EPS15L1: variants seen among roughly 807,000 people sequenced by gnomAD.
The protein encoded by EPS15L1 is epidermal growth factor receptor substrate 15-like 1.
Under a neutral mutation model 117.1 loss-of-function variants are expected in EPS15L1, and 43 were observed. The observed-to-expected ratio is 0.37, with a 90% CI of 0.29 to 0.47. The LOEUF (loss-of-function observed/expected upper bound fraction) is 0.47, where lower values mean the gene tolerates loss of function less well. EPS15L1 is among the 20% of genes least tolerant of loss of function. The pLI is 0.99. For synonymous variants in EPS15L1, 459 were observed against 470.5 expected (o/e 0.98, Z 0.32); for missense variants, 981 against 1,164.0 (o/e 0.84, Z 2.29).
At chr19:16,429,548 C>CG (rs909594310) in intron 7 of EPS15L1, among the ~76,000 whole-genome samples, 1 of 152,196 alleles carries the variant, frequency 6.6e-6, no homozygotes, top group Admixed American at 6.5e-5. Flanking sequence ...TCTGCTGCTG[C>CG]GCCCGAGGCT....
chr19:16,466,021 CTCTGT>C (rs1240094345), intron 1 of EPS15L1, among the ~76,000 whole-genome samples: 5 of 142,640 alleles, frequency 3.5e-5, no homozygotes, highest in African/African-American at 1.3e-4. Flanking sequence ...CAGAGTCTTG[CTCTGT>C]CACCCAGGCT....
intron 19 of EPS15L1, among the ~76,000 whole-genome samples, chr19:16,388,696 G>A (rs1038519172): frequency 2.6e-5 from 4 of 151,992 alleles, no homozygotes; most frequent in Non-Finnish European, 4.4e-5. Flanking sequence ...GCATAGTGGC[G>A]GGCGCCTGTA....
chr19:16,466,973 G>A (rs2093310752), intron 1 of EPS15L1, among the ~76,000 whole-genome samples: 1 of 151,686 alleles, frequency 6.6e-6, no homozygotes, highest in African/African-American at 2.4e-5. Flanking sequence ...ACTCTACTGT[G>A]ACAAAGCAGG....
chr19:16,437,847 T>C lies in EPS15L1; in HGVS notation c.232A>G (p.Arg78Gly). 4 of 1,613,956 alleles carry C rather than the reference T, an allele frequency of 2.5e-6. No individual in the cohort carries two copies. The highest frequency in any genetic ancestry group is 3.4e-6 in the Non-Finnish European group (4 of 1,179,898). ...CCACTCTGTGCACAGGCCACCAGTC[T>C]CAGTGCAACATAGAAACCCTGCAAG... ...LDKQGFYVALRLVACAQSGHE... is the reference protein window; with the variant it reads ...LDKQGFYVALGLVACAQSGHE... Residue 78 changes from arginine (R) to glycine (G), a missense_variant, in exon 5 of 24, where the codon AGA (arginine) becomes GGA (glycine). Physicochemically the swap from Arg to Gly is moderately radical, Grantham distance 125. Around this residue, in one of 5 missense-constraint regions of EPS15L1, gnomAD observed 62 missense variants for 104.2 expected, o/e 0.59. Coordinates refer to ENST00000455140, the MANE Select transcript of EPS15L1 (RefSeq NM_001258374.3).
At chr19:16,376,241 C>A (rs757432058) in intron 22 of EPS15L1, among the ~76,000 whole-genome samples, 4 of 152,150 alleles carry the variant, frequency 2.6e-5, no homozygotes, top group Non-Finnish European at 4.4e-5. Context: ...GAATAGGAGG[C>A]GTCCCAGACC....
intron 19 of EPS15L1, among the ~76,000 whole-genome samples, chr19:16,387,010 C>A (rs1018096522): frequency 1.3e-5 from 2 of 152,226 alleles, no homozygotes; most frequent in Non-Finnish European, 2.9e-5. Context: ...CCGGAAAAGA[C>A]AATCAGTGTA....
chr19:16,359,086 G>A (rs1599514080), intron 23 of EPS15L1, among the ~76,000 whole-genome samples: 2 of 152,322 alleles, frequency 1.3e-5, no homozygotes, highest in South Asian at 4.1e-4. Flanking sequence ...CACAAGTGAG[G>A]TGCGGGTGAC....
At chr19:16,423,125 G>C (rs2092834376) in intron 9 of EPS15L1, among the ~76,000 whole-genome samples, 1 of 152,148 alleles carries the variant, frequency 6.6e-6, no homozygotes, top group Non-Finnish European at 1.5e-5. Context: ...AAATCTAACA[G>C]GCTCCTGATA....
chr19:16,425,812 C>CAAAAG (rs1452347232), intron 8 of EPS15L1, among the ~76,000 whole-genome samples: 6 of 152,048 alleles, frequency 3.9e-5, no homozygotes, highest in Admixed American at 3.9e-4. Flanking sequence ...CTCTATAAAA[C>CAAAAG]AAAACAAAAC....
At chr19:16,373,040 G>C (rs1019270354) in intron 22 of EPS15L1, among the ~76,000 whole-genome samples, 4 of 152,204 alleles carry the variant, frequency 2.6e-5, no homozygotes, top group Non-Finnish European at 5.9e-5. Context: ...GGGAGCATGG[G>C]ACATCAGACA....
intron 9 of EPS15L1, among the ~76,000 whole-genome samples, 181 bp from the exon 10 acceptor site, chr19:16,421,657 A>T (rs1187570632): frequency 6.6e-6 from 1 of 152,170 alleles, no homozygotes; most frequent in Non-Finnish European, 1.5e-5. Flanking sequence ...ACTGAGGCTG[A>T]GACAGGTTGA....
At position 16,417,560 on chromosome 19, in the gene EPS15L1, C is replaced by G; in HGVS notation, c.1185G>C (p.Gln395His). The G allele has an allele frequency of 1.2e-6, 2 of 1,613,946 alleles. No individual in the cohort carries two copies. The highest frequency in any genetic ancestry group is 1.7e-6 in the Non-Finnish European group (2 of 1,179,812). The change falls in exon 12 of 24, where the codon CAG becomes CAC. Residue 395 changes from glutamine to histidine, a missense_variant. Gln to His is a conservative substitution (Grantham distance 24, BLOSUM62 0). This residue lies in a region of EPS15L1 where 819 missense variants were observed against 949.0 expected (regional missense o/e 0.86). Coordinates refer to ENST00000455140, the MANE Select transcript of EPS15L1 (RefSeq NM_001258374.3). ...ELDDISQEIA[Q>H]LQREKYSLEQ... ...GGCCGTTTCCAACATACCTTTGTAA[C>G]TGGGCAATCTCTTGACTGATGTCAT...
At chr19:16,440,768 T>C in intron 4 of EPS15L1, 94 bp downstream of exon 4, 1 of 1,122,322 alleles carries the variant, frequency 8.9e-7, no homozygotes, top group Non-Finnish European at 1.4e-6. Context: ...TAGTAATACT[T>C]GACAGTGGAG....
intron 13 of EPS15L1, 194 bp downstream of exon 13, chr19:16,413,578 GT>G: frequency 1.4e-6 from 1 of 721,828 alleles, no homozygotes; most frequent in Non-Finnish European, 2.3e-6. Context: ...ACAACATAGG[GT>G]TTTTATACAA....
Position 16,434,401 on chromosome 19 carries a change from G to A in EPS15L1, c.462C>T (p.Leu154=), listed in dbSNP as rs763233543. 9.9e-6 allele frequency: 16 copies of A among 1,614,118 alleles called. No homozygotes were observed. The highest frequency in any genetic ancestry group is 6.7e-5 in the Admixed American group (4 of 60,010). ...CATCAAGAGGCAGCTTTGAGTTCATGAGGACTGGCTTGACTTTGTCTCCAG... is the reference window on the plus strand; with the variant it reads ...CATCAAGAGGCAGCTTTGAGTTCATAAGGACTGGCTTGACTTTGTCTCCAG... The part of the protein sequence containing the change: ...LLSGDKVKPV[L]MNSKLPLDVL... The change falls in exon 7 of 24, where the codon CTC becomes CTT. Residue 154 remains leucine (L), a synonymous_variant. Coordinates refer to ENST00000455140, the MANE Select transcript of EPS15L1 (RefSeq NM_001258374.3).
chr19:16,417,452 G>C, intron 12 of EPS15L1, 100 bp downstream of exon 12: 1 of 990,698 alleles, frequency 1.0e-6, no homozygotes. Context: ...ATAAACCTGT[G>C]ATGAGCAAAC....
intron 20 of EPS15L1, 23 bp downstream of exon 20, chr19:16,386,148 G>T (rs748486793): frequency 5.7e-6 from 9 of 1,588,354 alleles, no homozygotes; most frequent in African/African-American, 1.3e-5. Context: ...TAGTCAGGAA[G>T]AAAAATAAGT....
intron 8 of EPS15L1, 87 bp downstream of exon 8, chr19:16,428,605 GAAAAGAAAAA>G: frequency 2.5e-6 from 2 of 791,198 alleles, no homozygotes; most frequent in Non-Finnish European, 4.1e-6. Context: ...AAAGAAAAAA[GAAAAGAAAAA>G]AGAGAGAAAG....
chr19:16,426,659 A>T (rs769121354), intron 8 of EPS15L1, among the ~76,000 whole-genome samples: 3 of 152,088 alleles, frequency 2.0e-5, no homozygotes, highest in African/African-American at 7.2e-5. Flanking sequence ...CAACGACAAC[A>T]AAAAAACAAA....
Sources: allele counts gnomAD v4.1 joint callset (sites outside exome capture counted in the v4.1 genomes callset), GRCh38; gene constraint gnomAD v4.1.1; regional missense constraint gnomAD v4.1.1; transcripts MANE v1.5; gene names NCBI Gene and HGNC (gene_info 2026-07-23, HGNC 2026-07-21).